IGFL2: variants seen among roughly 807,000 people sequenced by gnomAD.
IGFL2 encodes insulin growth factor-like family member 2.
Under a neutral mutation model 13.9 loss-of-function variants are expected in IGFL2, and 7 were observed. That is an observed-to-expected ratio of 0.51 (90% CI 0.29 to 0.95). The LOEUF is 0.95. Ranked by LOEUF, IGFL2 falls within the 40% of genes least tolerant of loss-of-function variation. The pLI is 0.08. For synonymous variants in IGFL2, 55 were observed against 55.8 expected (o/e 0.99, Z 0.07); for missense variants, 138 against 147.8 (o/e 0.93, Z 0.34).
upstream of IGFL2, among the ~76,000 whole-genome samples, chr19:46,144,338 G>A (rs940173160): frequency 2.0e-5 from 3 of 152,070 alleles, no homozygotes; most frequent in African/African-American, 7.2e-5. Context: ...ATTATTCTTA[G>A]CTTCTGGCAG....
rs115912071 is a variant in IGFL2, at chr19:46,150,881, G to A, written c.19+2584G>A. 2.4e-3 allele frequency among the ~76,000 whole-genome samples: 364 copies of A among 152,204 alleles called. 2 individuals carry two copies. Among genetic ancestry groups the A allele is most frequent in the Middle Eastern group, 0.017 (5 of 292 alleles). On this transcript the variant is annotated intron_variant, in intron 1 of 3. Coordinates refer to ENST00000377693, the MANE Select transcript of IGFL2 (RefSeq NM_001135113.2). ...GATGTCTCACTGTGTTGCCCAGGCC[G>A]GTCTCCAACTTGTAGGCTCAAGCAA... is the stretch of plus-strand genomic sequence containing the variant.
At chr19:46,179,406 A>G in the IGFL2 span, 65,231 of 141,970 alleles carry the variant, frequency 0.46, 16,088 homozygotes, top group Non-Finnish European at 0.58. Flanking sequence ...TGTGGTGTGC[A>G]GGGTCTGTGA....
chr19:46,179,994 CTT>C, the IGFL2 span, among the ~76,000 whole-genome samples: 7 of 152,150 alleles, frequency 4.6e-5, no homozygotes, highest in African/African-American at 1.7e-4. Flanking sequence ...GGTTTTCCCT[CTT>C]GTTGGTAACA....
intron 1 of IGFL2, among the ~76,000 whole-genome samples, chr19:46,157,168 T>G: frequency 6.6e-6 from 1 of 152,176 alleles, no homozygotes; most frequent in Middle Eastern, 3.2e-3. Context: ...CAAGCCCAGA[T>G]GGTTGCACCT....
At chr19:46,095,523 T>C in the IGFL2 span, among the ~76,000 whole-genome samples, 1 of 152,232 alleles carries the variant, frequency 6.6e-6, no homozygotes, top group African/African-American at 2.4e-5. Flanking sequence ...AGAAACTCTT[T>C]AGTTTAATTA....
chr19:46,098,569 C>G, the IGFL2 span, among the ~76,000 whole-genome samples: 3 of 150,124 alleles, frequency 2.0e-5, no homozygotes, highest in Non-Finnish European at 1.5e-5. Context: ...ACTTCTGCCT[C>G]TTGGATTCAA....
At chr19:46,139,566 CTAGAGA>C (rs1356187486), upstream of IGFL2, among the ~76,000 whole-genome samples, 4 of 151,770 alleles carry the variant, frequency 2.6e-5, no homozygotes, top group Non-Finnish European at 4.4e-5. Flanking sequence ...AAAGATAAAG[CTAGAGA>C]TAAAGCAGGA....
the IGFL2 span, among the ~76,000 whole-genome samples, chr19:46,184,921 C>T: frequency 3.9e-5 from 6 of 152,202 alleles, no homozygotes; most frequent in African/African-American, 1.4e-4. Context: ...TGTTTCCTGA[C>T]TTTTTAATGA....
At chr19:46,194,390 G>C in the IGFL2 span, among the ~76,000 whole-genome samples, 1 of 152,152 alleles carries the variant, frequency 6.6e-6, no homozygotes, top group Non-Finnish European at 1.5e-5. Context: ...CCCAGAGGCT[G>C]CCTCTGGCAC....
At chr19:46,108,773 A>G in the IGFL2 span, among the ~76,000 whole-genome samples, 2 of 152,238 alleles carry the variant, frequency 1.3e-5, no homozygotes, top group African/African-American at 2.4e-5. Context: ...TTAAACACCA[A>G]CGGAAGACTG....
At chr19:46,148,834 T>A in intron 1 of IGFL2, 1 of 1,487,686 alleles carries the variant, frequency 6.7e-7, no homozygotes, top group Non-Finnish European at 8.9e-7. Flanking sequence ...GATATTGGAC[T>A]GTGGTTGTGC....
chr19:46,188,038 T>A, the IGFL2 span, among the ~76,000 whole-genome samples: 1 of 152,244 alleles, frequency 6.6e-6, no homozygotes, highest in Non-Finnish European at 1.5e-5. Flanking sequence ...ACCTTGGTGA[T>A]GACCTTGAGC....
upstream of IGFL2, among the ~76,000 whole-genome samples, chr19:46,146,664 C>T (rs1420897062): frequency 1.3e-5 from 2 of 152,108 alleles, no homozygotes; most frequent in Non-Finnish European, 2.9e-5. Context: ...CCTAGATTTA[C>T]AGTATACCAG....
At chr19:46,171,065 C>T in the IGFL2 span, among the ~76,000 whole-genome samples, 1 of 151,936 alleles carries the variant, frequency 6.6e-6, no homozygotes, top group Non-Finnish European at 1.5e-5. Flanking sequence ...ACTCCCTCCC[C>T]TTTGAAAATT....
At chr19:46,205,235 C>G in the IGFL2 span, among the ~76,000 whole-genome samples, 4 of 152,164 alleles carry the variant, frequency 2.6e-5, no homozygotes, top group Non-Finnish European at 4.4e-5. Context: ...TTCCAACAAA[C>G]AGCAGCCATT....
the IGFL2 span, among the ~76,000 whole-genome samples, chr19:46,186,310 C>T: frequency 2.6e-5 from 4 of 152,326 alleles, no homozygotes; most frequent in East Asian, 5.8e-4. Flanking sequence ...TGCCACTTGT[C>T]GGGCGCCACC....
chr19:46,165,669 C>T (rs1312947930), downstream of IGFL2, among the ~76,000 whole-genome samples: 2 of 152,212 alleles, frequency 1.3e-5, no homozygotes, highest in Admixed American at 1.3e-4. Context: ...GATTTCTGAC[C>T]AGGCCTGGTA....
At chr19:46,209,759 G>A in the IGFL2 span, 1 of 152,182 alleles carries the variant, frequency 6.6e-6, no homozygotes, top group Non-Finnish European at 1.5e-5. Context: ...CATTCACACA[G>A]GAAGGGATTA....
chr19:46,208,241 T>A, the IGFL2 span: 1 of 152,236 alleles, frequency 6.6e-6, no homozygotes, highest in African/African-American at 2.4e-5. Flanking sequence ...CTTTCTGTCT[T>A]GGCAGCAGAA....
Sources: allele counts gnomAD v4.1 joint callset (sites outside exome capture counted in the v4.1 genomes callset), GRCh38; gene constraint gnomAD v4.1.1; transcripts MANE v1.5; gene names NCBI Gene and HGNC (gene_info 2026-07-23, HGNC 2026-07-21).